FCHSD2: variants seen among roughly 807,000 people sequenced by gnomAD.
FCHSD2 encodes the protein FCH and double SH3 domains 2.
Under a neutral mutation model 108.1 loss-of-function variants are expected in FCHSD2, and 38 were observed. The ratio of observed to expected loss-of-function variants is 0.35; its 90% CI spans 0.27 to 0.46. The LOEUF is 0.46. FCHSD2 is among the 20% of genes least tolerant of loss of function. The pLI is 1.00. For missense variants in FCHSD2, 751 were observed against 897.8 expected (o/e 0.84, Z 2.09); for synonymous variants, 279 against 314.7 (o/e 0.89, Z 1.20).
At position 72,962,400 on chromosome 11, in the gene FCHSD2, C is replaced by T. The variant is rs565450938; in HGVS notation, c.705+21688G>A. The stretch of plus-strand genomic sequence containing the variant: ...TACCAATAAGTATAACCTACATCAA[C>T]AAAAGCTCTTTGATTCCTCAATAAT... On this transcript the variant is annotated intron_variant, in intron 8 of 19. Coordinates refer to ENST00000409418, the MANE Select transcript of FCHSD2 (RefSeq NM_014824.3). 3.2e-4 allele frequency among the ~76,000 whole-genome samples: 48 copies of T among 152,290 alleles called. No homozygotes were observed. In the South Asian group the frequency reaches 9.1e-3, roughly 29 times the overall value.
At chr11:73,049,691 A>T (rs1232188539) in intron 3 of FCHSD2, among the ~76,000 whole-genome samples, 1 of 151,612 alleles carries the variant, frequency 6.6e-6, no homozygotes, top group African/African-American at 2.4e-5. Flanking sequence ...TAATAAAAAA[A>T]AAAAAAAAAA....
chr11:73,094,968 T>C (rs903514936), intron 2 of FCHSD2, among the ~76,000 whole-genome samples: 27 of 152,192 alleles, frequency 1.8e-4, no homozygotes, highest in African/African-American at 6.5e-4. Flanking sequence ...TTCTCTAACA[T>C]CCATTGAATA....
chr11:72,847,276 G>T (rs1268681355), intron 14 of FCHSD2, among the ~76,000 whole-genome samples: 1 of 152,222 alleles, frequency 6.6e-6, no homozygotes, highest in Non-Finnish European at 1.5e-5. Context: ...GGGATTACAG[G>T]CATGAGCCAT....
At chr11:72,911,482 C>G (rs1855763274) in intron 9 of FCHSD2, among the ~76,000 whole-genome samples, 1 of 152,084 alleles carries the variant, frequency 6.6e-6, no homozygotes, top group African/African-American at 2.4e-5. Flanking sequence ...TTTTGTGGTT[C>G]TGTCAAAATT....
At chr11:73,133,814 A>G (rs1861059467) in intron 2 of FCHSD2, among the ~76,000 whole-genome samples, 1 of 128,830 alleles carries the variant, frequency 7.8e-6, no homozygotes, top group Admixed American at 7.8e-5. Flanking sequence ...AAAAAAAAAA[A>G]AGTAACCATT....
chr11:73,007,762 CAAAT>C lies in FCHSD2; in HGVS notation c.243-6632_243-6629del, dbSNP rs1040098513. ...AACTCAATATGCACACACATACACA[CAAAT>C]GAATGTGTATAAAACTAACGAATTC... On this transcript the variant is annotated intron_variant, in intron 4 of 19. Transcript: ENST00000409418. 2.8e-4 allele frequency among the ~76,000 whole-genome samples: 43 copies of C among 152,294 alleles called. No homozygotes were observed. The South Asian group carries it at 8.1e-3, about 29-fold the overall frequency.
In FCHSD2 at chr11:73,015,884, C is replaced by A. The variant is rs763185978; in HGVS notation, c.167G>T (p.Gly56Val). 1 of 1,568,370 alleles carries A rather than the reference C, an allele frequency of 6.4e-7. No homozygotes were observed. The highest frequency in any genetic ancestry group is 1.8e-5 in the Admixed American group (1 of 56,424). ...GTATTGACTAGCCAACTTCTGCATA[C>A]CCTGTTAAAAAATACATATTTTTTC... Reference protein sequence around the residue: ...KAAIEREYAQGMQKLASQYLK... With the variant: ...KAAIEREYAQVMQKLASQYLK... The change falls in exon 4 of 20, where the codon GGT (glycine) becomes GTT (valine). Residue 56 changes from glycine (G) to valine (V), a missense_variant and splice_region_variant. By Grantham distance (109) the Gly-to-Val change is moderately radical. Coordinates refer to ENST00000409418, the MANE Select transcript of FCHSD2 (RefSeq NM_014824.3).
chr11:72,874,151 T>C (rs1329377608), intron 12 of FCHSD2, among the ~76,000 whole-genome samples: 3 of 152,220 alleles, frequency 2.0e-5, no homozygotes, highest in Admixed American at 6.5e-5. Flanking sequence ...TTCATTCTTT[T>C]GCATATGGAT....
At chr11:72,949,804 T>C (rs544987923) in intron 8 of FCHSD2, among the ~76,000 whole-genome samples, 2 of 152,346 alleles carry the variant, frequency 1.3e-5, no homozygotes, top group African/African-American at 4.8e-5. Flanking sequence ...GTTTCCACCT[T>C]TGGATTGTTA....
intron 5 of FCHSD2, among the ~76,000 whole-genome samples, chr11:72,994,009 C>A (rs1857473530): frequency 6.6e-6 from 1 of 152,146 alleles, no homozygotes; most frequent in African/African-American, 2.4e-5. Context: ...ACTGGAAGCT[C>A]TGTCTATAGA....
At chr11:72,924,713 T>A (rs116241211) in intron 8 of FCHSD2, among the ~76,000 whole-genome samples, 17 of 151,456 alleles carry the variant, frequency 1.1e-4, no homozygotes, top group African/African-American at 4.1e-4. Context: ...ACAAATTCTG[T>A]CCCAAAAGCA....
intron 6 of FCHSD2, among the ~76,000 whole-genome samples, chr11:72,987,018 G>A (rs1857324572): frequency 6.6e-6 from 1 of 152,090 alleles, no homozygotes; most frequent in Non-Finnish European, 1.5e-5. Context: ...TCTCATTTAA[G>A]TGCCAGATAT....
intron 3 of FCHSD2, among the ~76,000 whole-genome samples, chr11:73,039,582 T>C (rs1858584594): frequency 6.6e-6 from 1 of 151,858 alleles, no homozygotes; most frequent in Admixed American, 6.6e-5. Context: ...CACAGGTGAA[T>C]TTTAAAAATG....
intron 8 of FCHSD2, among the ~76,000 whole-genome samples, chr11:72,950,557 T>C (rs550609119): frequency 6.6e-6 from 1 of 152,322 alleles, no homozygotes; most frequent in African/African-American, 2.4e-5. Flanking sequence ...GATATTCAGT[T>C]GTGCCAGTAC....
At chr11:73,035,449 A>G (rs922177641) in intron 3 of FCHSD2, among the ~76,000 whole-genome samples, 56 of 151,898 alleles carry the variant, frequency 3.7e-4, no homozygotes, top group African/African-American at 1.3e-3. Flanking sequence ...GATTACAGGC[A>G]TGAGCCACTG....
At position 73,028,658 on chromosome 11, in the gene FCHSD2, AATG is replaced by A. The variant is rs527583999; in HGVS notation, c.166-12776_166-12774del. Among the ~76,000 whole-genome samples, 12 of 152,212 alleles carry A rather than the reference AATG, an allele frequency of 7.9e-5. No homozygotes were observed. The East Asian group carries it at 2.1e-3, about 27-fold the overall frequency. On this transcript the variant is annotated intron_variant, in intron 3 of 19. Transcript: ENST00000409418. ...TGAGATTTGGGTGGGCCAGGGGTGGAATGATATGGTTTGGCTCTGTGTCCCCAC... is the reference window on the plus strand; with the variant it reads ...TGAGATTTGGGTGGGCCAGGGGTGGAATATGGTTTGGCTCTGTGTCCCCAC...
intron 12 of FCHSD2, among the ~76,000 whole-genome samples, chr11:72,879,050 C>T (rs1434790532): frequency 2.0e-5 from 3 of 151,930 alleles, no homozygotes; most frequent in Non-Finnish European, 2.9e-5. Context: ...GCAGAGGTTG[C>T]ACTGAGCAGA....
At chr11:73,141,738 G>T in intron 1 of FCHSD2, 119 bp downstream of exon 1, 2 of 1,129,116 alleles carry the variant, frequency 1.8e-6, no homozygotes, top group African/African-American at 1.6e-5. Context: ...TCGGTGACAA[G>T]CCCAAGACGA....
At chr11:72,849,346 C>T (rs948422707) in intron 14 of FCHSD2, among the ~76,000 whole-genome samples, 1 of 152,162 alleles carries the variant, frequency 6.6e-6, no homozygotes, top group Non-Finnish European at 1.5e-5. Context: ...CTTCATGGAC[C>T]TTTAGTGGAG....
Sources: allele counts gnomAD v4.1 joint callset (sites outside exome capture counted in the v4.1 genomes callset), GRCh38; gene constraint gnomAD v4.1.1; transcripts MANE v1.5; gene names NCBI Gene and HGNC (gene_info 2026-07-23, HGNC 2026-07-21).